The following GRAP2 variants were observed in gnomAD, a reference collection of about 807,000 sequenced individuals.
The protein encoded by GRAP2 is GRB2 related adaptor protein 2.
A neutral mutation model predicts 43.5 loss-of-function variants in GRAP2; 31 were observed. The observed-to-expected ratio is 0.71, with a 90% confidence interval of 0.54 to 0.96. The LOEUF is 0.96. GRAP2 is among the 40% of genes least tolerant of loss of function. GRAP2 has a pLI of 0.00. For synonymous variants in GRAP2, 156 were observed against 164.8 expected (o/e 0.95, Z 0.41); for missense variants, 371 against 424.4 (o/e 0.87, Z 1.11).
chr22:39,969,271 C>T (rs375973612), intron 6 of GRAP2, 140 bp from the exon 7 acceptor site: 42 of 940,120 alleles, frequency 4.5e-5, no homozygotes, highest in Admixed American at 3.0e-4. Flanking sequence ...TCCTCCTCAA[C>T]GTGGAGGGTT....
intron 1 of GRAP2, among the ~76,000 whole-genome samples, chr22:39,945,915 C>T (rs902920970): frequency 3.9e-5 from 6 of 152,176 alleles, no homozygotes; most frequent in Admixed American, 2.0e-4. Flanking sequence ...GGCTGGAGTA[C>T]AGTGGCATGA....
chr22:39,918,827 A>G (rs1009491290), intron 1 of GRAP2, among the ~76,000 whole-genome samples: 1 of 152,254 alleles, frequency 6.6e-6, no homozygotes. Context: ...AGTACCTACT[A>G]TGCACAAAGT....
Position 39,969,407 on chromosome 22 carries a change from C to G in GRAP2, c.691-4C>G, listed in dbSNP as rs2067214379. The G allele has an allele frequency of 1.2e-6, 2 of 1,613,682 alleles. No homozygotes were observed. Among genetic ancestry groups the G allele is most frequent in the Non-Finnish European group, 1.7e-6 (2 of 1,179,764 alleles). ...GTGACCAGTCTTCTGTTGTATGTTTCTAGGAACGCCGAGGAGGCAGCCTTG... is the reference window on the plus strand; with the variant it reads ...GTGACCAGTCTTCTGTTGTATGTTTGTAGGAACGCCGAGGAGGCAGCCTTG... On this transcript the variant is annotated splice_polypyrimidine_tract_variant and splice_region_variant and intron_variant, in intron 6 of 7. Transcript: ENST00000344138.
intron 1 of GRAP2, among the ~76,000 whole-genome samples, chr22:39,906,859 A>G (rs2066526959): frequency 6.6e-6 from 1 of 152,240 alleles, no homozygotes; most frequent in Non-Finnish European, 1.5e-5. Flanking sequence ...CTCTTGTTAA[A>G]TATGATTTTA....
upstream of GRAP2, among the ~76,000 whole-genome samples, chr22:39,896,432 C>G (rs1284135396): frequency 6.6e-6 from 1 of 152,088 alleles, no homozygotes; most frequent in Non-Finnish European, 1.5e-5. Flanking sequence ...TTGCTGTTCA[C>G]CAAGATGAAC....
chr22:39,961,299 G>A (rs2067117252), intron 4 of GRAP2, among the ~76,000 whole-genome samples: 2 of 152,130 alleles, frequency 1.3e-5, no homozygotes, highest in South Asian at 2.1e-4. Flanking sequence ...AGAAAGAGGA[G>A]CGGGAGACAG....
chr22:39,960,792 C>G (rs2067111304), intron 4 of GRAP2: 1 of 152,268 alleles, frequency 6.6e-6, no homozygotes, highest in African/African-American at 2.4e-5. Context: ...GACACAGAAG[C>G]CTTCAGAAAT....
chr22:39,912,259 A>G (rs1601690281), intron 1 of GRAP2, among the ~76,000 whole-genome samples: 1 of 152,196 alleles, frequency 6.6e-6, no homozygotes, highest in Non-Finnish European at 1.5e-5. Flanking sequence ...CATCTCTACA[A>G]AAAATTAAAA....
At chr22:39,943,552 G>C (rs1447610135) in intron 1 of GRAP2, among the ~76,000 whole-genome samples, 1 of 152,060 alleles carries the variant, frequency 6.6e-6, no homozygotes, top group Non-Finnish European at 1.5e-5. Context: ...TTGGCGGGGT[G>C]GGGGTTGGGG....
At position 39,947,075 on chromosome 22, in the gene GRAP2, A is replaced by G. The variant is rs538194061; in HGVS notation, c.-14-18A>G. ...CCCCTGGCAGAGAGGCACAATGACC[A>G]CATTATTTCTCTTCCAGCTTCACGT... On this transcript the variant is annotated intron_variant, in intron 1 of 7. Coordinates refer to ENST00000344138, the MANE Select transcript of GRAP2 (RefSeq NM_004810.4). The G allele has an allele frequency of 5.1e-5, 73 of 1,441,612 alleles. No homozygotes were observed. Among genetic ancestry groups the G allele is most frequent in the East Asian group, 1.1e-4 (5 of 44,082 alleles). The allele number at this position is 1,441,612 out of a possible 1,614,324, so 89.3% of individuals were successfully genotyped here. A position where few individuals can be genotyped will look rare whatever the true frequency, so the allele number is the denominator to read the frequency against.
chr22:39,920,058 C>G (rs774285666), intron 1 of GRAP2, among the ~76,000 whole-genome samples: 2 of 152,166 alleles, frequency 1.3e-5, no homozygotes, highest in Non-Finnish European at 2.9e-5. Flanking sequence ...AGTGCTTTTC[C>G]CAGACCATGA....
chr22:39,945,883 CAG>C (rs2066917039), intron 1 of GRAP2, among the ~76,000 whole-genome samples: 2 of 152,292 alleles, frequency 1.3e-5, no homozygotes, highest in South Asian at 2.1e-4. Flanking sequence ...GTTTTTGAGA[CAG>C]AGTCTTGCTC....
chr22:39,906,504 AAAGCTCTC>A (rs2066524346), intron 1 of GRAP2, among the ~76,000 whole-genome samples: 1 of 152,224 alleles, frequency 6.6e-6, no homozygotes, highest in African/African-American at 2.4e-5. Flanking sequence ...GCCATTACAG[AAAGCTCTC>A]AAGTGTAATT....
At chr22:39,952,589 C>T (rs1384991727) in intron 2 of GRAP2, among the ~76,000 whole-genome samples, 2 of 152,112 alleles carry the variant, frequency 1.3e-5, no homozygotes, top group African/African-American at 2.4e-5. Flanking sequence ...CACACACATA[C>T]CCACATGTCC....
intron 1 of GRAP2, among the ~76,000 whole-genome samples, chr22:39,908,310 A>G (rs1285444670): frequency 6.6e-6 from 1 of 152,154 alleles, no homozygotes; most frequent in Non-Finnish European, 1.5e-5. Context: ...CAAACATCTC[A>G]ATAGTGCCTT....
chr22:39,924,701 CA>C (rs1049475917), intron 1 of GRAP2, among the ~76,000 whole-genome samples: 32 of 139,910 alleles, frequency 2.3e-4, no homozygotes, highest in East Asian at 6.1e-4. Context: ...GACTCCGTCT[CA>C]AAAAAAAAAA....
Position 39,901,374 on chromosome 22 carries a change from G to T in GRAP2, c.-15+44G>T, listed in dbSNP as rs1013833965. 5 of 661,930 alleles carry T rather than the reference G, an allele frequency of 7.6e-6. No homozygotes were observed. In the Admixed American group the frequency reaches 9.5e-5, roughly 13 times the overall value. 41.0% of individuals were successfully genotyped at this position (661,930 alleles called of 1,614,324 possible). A position where few individuals can be genotyped will look rare whatever the true frequency, so the allele number is the denominator to read the frequency against. Reference sequence around the variant, plus strand: ...TCTGTACATATACTCTAGAAACTTTGAACAGTTTTATAATTTGCAGAATGT... The same window carrying T: ...TCTGTACATATACTCTAGAAACTTTTAACAGTTTTATAATTTGCAGAATGT... On this transcript the variant is annotated intron_variant, in intron 1 of 7. Transcript: ENST00000344138.
intron 4 of GRAP2, chr22:39,964,271 C>T (rs2067147897): frequency 1.4e-5 from 9 of 627,444 alleles, no homozygotes; most frequent in South Asian, 3.7e-5. Context: ...AGCCCTGGTT[C>T]GAATGTGTCC....
chr22:39,949,569 T>C (rs979328342), intron 2 of GRAP2, among the ~76,000 whole-genome samples: 3 of 152,056 alleles, frequency 2.0e-5, no homozygotes, highest in African/African-American at 7.2e-5. Context: ...CAGAAAGGAG[T>C]GTGAGGCAGT....
Sources: allele counts gnomAD v4.1 joint callset (sites outside exome capture counted in the v4.1 genomes callset), GRCh38; gene constraint gnomAD v4.1.1; transcripts MANE v1.5; gene names NCBI Gene and HGNC (gene_info 2026-07-23, HGNC 2026-07-21).